The following SF3B3 variants were observed in gnomAD, a reference collection of about 807,000 sequenced individuals.
The protein encoded by SF3B3 is splicing factor 3b subunit 3, also known as SAP 130.
SF3B3 carries 33 observed loss-of-function variants against 139.2 expected under a neutral mutation model. The observed-to-expected ratio is 0.24, with a 90% CI of 0.18 to 0.32. The LOEUF is 0.32. Among genes scored for constraint, SF3B3 ranks in the 10% least tolerant of loss-of-function variants. The pLI, the probability that SF3B3 is intolerant of heterozygous loss-of-function variation, is 1.00. For missense variants in SF3B3, 818 were observed against 1,509.4 expected, an observed-to-expected ratio of 0.54 and a Z score of 7.59; for synonymous variants, 596 against 563.6, an observed-to-expected ratio of 1.06 and a Z score of -0.81.
At chr16:70,526,981 C>T (rs1163859032) in intron 2 of SF3B3, 5 of 554,930 alleles carry the variant, frequency 9.0e-6, no homozygotes, top group African/African-American at 3.8e-5. Flanking sequence ...AGTGCCAAGT[C>T]GTGTGCCTAT....
intron 6 of SF3B3, chr16:70,537,887 A>C: frequency 2.6e-6 from 1 of 386,532 alleles, no homozygotes; most frequent in African/African-American, 2.1e-5. Context: ...CAGTCTGGGC[A>C]ACATAGTGAG....
Position 70,568,305 on chromosome 16 carries a change from G to A in SF3B3, c.2975G>A (p.Gly992Glu). 6.2e-7 allele frequency: 1 copy of A among 1,612,492 alleles called. No homozygotes were observed. Among genetic ancestry groups the A allele is most frequent in the South Asian group, 1.1e-5 (1 of 91,010 alleles). The change falls in exon 22 of 26, where the codon GGG (glycine) becomes GAG (glutamate). Residue 992 changes from glycine (G) to glutamate (E), a missense_variant. By Grantham distance (98) the Gly-to-Glu change is moderately conservative (BLOSUM62 -2). Coordinates refer to ENST00000302516, the MANE Select transcript of SF3B3 (RefSeq NM_012426.5). ...ENKHIANYISGIQTIGHRVIV... is the reference protein window; with the variant it reads ...ENKHIANYISEIQTIGHRVIV... ...CAGCATATTGCCAATTATATCTCTG[G>A]GATCCAGACTATCGGACATAGGGTA...
chr16:70,554,752 G>C (rs1356058846), intron 12 of SF3B3, among the ~76,000 whole-genome samples, 155 bp downstream of exon 12: 3 of 152,142 alleles, frequency 2.0e-5, no homozygotes, highest in Non-Finnish European at 4.4e-5. Context: ...ATCCCTCTCT[G>C]TATTTGCCAT....
At position 70,561,648 on chromosome 16, in the gene SF3B3, C is replaced by T. The variant is rs1358858941; in HGVS notation, c.2152C>T (p.Arg718Cys). ...GQEAVLAMSS[R>C]SWLSYSYQSR... is the part of the protein sequence containing the mutation. ...CCCTCAGGTATTGGCCATGTCAAGC[C>T]GCTCATGGTTGAGCTATTCTTACCA... The change falls in exon 17 of 26, where the codon CGC (arginine) becomes TGC (cysteine). Residue 718 changes from arginine (R) to cysteine (C), a missense_variant. This residue lies in a region of SF3B3 where 170 missense variants were observed against 353.0 expected (regional missense o/e 0.48). Transcript: ENST00000302516. The T allele has an allele frequency of 2.5e-6, 4 of 1,613,714 alleles. No homozygotes were observed. Among genetic ancestry groups the T allele is most frequent in the East Asian group, 2.2e-5 (1 of 44,878 alleles).
At chr16:70,568,231 T>G in intron 21 of SF3B3, 52 bp from the exon 22 acceptor site, 1 of 1,418,476 alleles carries the variant, frequency 7.0e-7, no homozygotes, top group Non-Finnish European at 1.0e-6. Context: ...TTTCTTTGGG[T>G]TCTGAACCCC....
intron 4 of SF3B3, among the ~76,000 whole-genome samples, chr16:70,531,710 G>C (rs576630640): frequency 5.9e-5 from 9 of 152,204 alleles, no homozygotes; most frequent in Admixed American, 2.0e-4. Flanking sequence ...ATCTCCCTAT[G>C]GAAACAAGAT....
chr16:70,545,942 CAG>C (rs1251727727), intron 10 of SF3B3, among the ~76,000 whole-genome samples: 1 of 152,170 alleles, frequency 6.6e-6, no homozygotes, highest in African/African-American at 2.4e-5. Flanking sequence ...TTCAATGACT[CAG>C]ACCCAATTTA....
Position 70,556,897 on chromosome 16 carries a change from A to G in SF3B3, c.1878A>G (p.Gln626=), listed in dbSNP as rs768430280. The G allele has an allele frequency of 7.7e-5, 125 of 1,613,764 alleles. No homozygotes were observed. The Admixed American group carries it at 2.0e-3, about 26-fold the overall frequency. ...TCTCTCCCTCTCAGGACTGTTTGCAACCTCTAAGCATGCAGGCTCTCCCAG... is the reference window on the plus strand; with the variant it reads ...TCTCTCCCTCTCAGGACTGTTTGCAGCCTCTAAGCATGCAGGCTCTCCCAG... ...IISLDPSDCL[Q]PLSMQALPAQ... The change falls in exon 15 of 26, where the codon CAA becomes CAG. Residue 626 remains glutamine, a synonymous_variant. Coordinates refer to ENST00000302516, the MANE Select transcript of SF3B3 (RefSeq NM_012426.5).
At chr16:70,545,180 C>T (rs999203289) in intron 10 of SF3B3, among the ~76,000 whole-genome samples, 1 of 152,180 alleles carries the variant, frequency 6.6e-6, no homozygotes, top group South Asian at 2.1e-4. Flanking sequence ...ATCCTCCCAC[C>T]TCAGCCTCCT....
At chr16:70,557,399 C>G (rs1249700818) in intron 15 of SF3B3, among the ~76,000 whole-genome samples, 6 of 152,172 alleles carry the variant, frequency 3.9e-5, no homozygotes, top group Non-Finnish European at 8.8e-5. Flanking sequence ...TAAATGTTCC[C>G]TGTTGTCAAA....
At chr16:70,559,791 C>CA (rs1273269875) in intron 15 of SF3B3, among the ~76,000 whole-genome samples, 1 of 149,910 alleles carries the variant, frequency 6.7e-6, no homozygotes, top group Non-Finnish European at 1.5e-5. Flanking sequence ...TAAACAGAGA[C>CA]AGAGTCTCGC....
intron 10 of SF3B3, among the ~76,000 whole-genome samples, chr16:70,547,451 T>G (rs573506491): frequency 6.6e-6 from 1 of 152,336 alleles, no homozygotes; most frequent in South Asian, 2.1e-4. Flanking sequence ...TCTAGATCAT[T>G]TTGAATTTGG....
intron 2 of SF3B3, among the ~76,000 whole-genome samples, chr16:70,528,426 A>G (rs1199291766): frequency 3.4e-5 from 5 of 148,304 alleles, no homozygotes; most frequent in African/African-American, 1.2e-4. Flanking sequence ...CAGCCTCCCA[A>G]AGTGCTGGGA....
At chr16:70,533,988 T>C (rs2050144706) in intron 5 of SF3B3, among the ~76,000 whole-genome samples, 1 of 152,220 alleles carries the variant, frequency 6.6e-6, no homozygotes, top group African/African-American at 2.4e-5. Context: ...AAATTAGACG[T>C]GGTGCCGCCT....
At chr16:70,568,182 G>C in intron 21 of SF3B3, 101 bp from the exon 22 acceptor site, 1 of 888,832 alleles carries the variant, frequency 1.1e-6, no homozygotes, top group Non-Finnish European at 1.8e-6. Context: ...GGTATTTGCT[G>C]TTCTGCTGAC....
At chr16:70,539,714 C>T (rs986021578) in intron 8 of SF3B3, among the ~76,000 whole-genome samples, 1 of 151,990 alleles carries the variant, frequency 6.6e-6, no homozygotes, top group African/African-American at 2.4e-5. Flanking sequence ...CTGTAGGTAT[C>T]TCCAGAACTA....
At chr16:70,549,840 A>G (rs2050305359) in intron 11 of SF3B3, among the ~76,000 whole-genome samples, 1 of 152,064 alleles carries the variant, frequency 6.6e-6, no homozygotes, top group African/African-American at 2.4e-5. Context: ...CAGGAGAATC[A>G]CTTGAACCTG....
chr16:70,549,852 G>GA, intron 11 of SF3B3, among the ~76,000 whole-genome samples: 1 of 152,316 alleles, frequency 6.6e-6, no homozygotes, highest in South Asian at 2.1e-4. Flanking sequence ...TTGAACCTGG[G>GA]AGGCGGAGGT....
chr16:70,554,321 G>T (rs1475263231), intron 11 of SF3B3, 125 bp from the exon 12 acceptor site: 4 of 823,470 alleles, frequency 4.9e-6, no homozygotes, highest in Non-Finnish European at 7.9e-6. Context: ...ATGTGTGTAT[G>T]TGTGTAATAA....
Sources: allele counts gnomAD v4.1 joint callset (sites outside exome capture counted in the v4.1 genomes callset), GRCh38; gene constraint gnomAD v4.1.1; regional missense constraint gnomAD v4.1.1; transcripts MANE v1.5; gene names NCBI Gene and HGNC (gene_info 2026-07-23, HGNC 2026-07-21).